Variants in MAPRE2 observed in about 807,000 individuals in gnomAD.
MAPRE2 encodes microtubule-associated protein RP/EB family member 2.
In MAPRE2, 13 loss-of-function variants were observed where a neutral mutation model predicts 43.2. The observed-to-expected ratio is 0.30, with a 90% CI of 0.20 to 0.48. MAPRE2 has a LOEUF of 0.48. Among genes scored for constraint, MAPRE2 ranks in the 20% least tolerant of loss-of-function variants. MAPRE2 has a pLI of 0.99. For missense variants in MAPRE2, 161 were observed against 400.2 expected (o/e 0.40, Z 5.10); for synonymous variants, 135 against 148.8 (o/e 0.91, Z 0.68).
chr18:35,099,199 TGTTA>T (rs1288122927), intron 3 of MAPRE2, among the ~76,000 whole-genome samples: 1 of 152,232 alleles, frequency 6.6e-6, no homozygotes, highest in Non-Finnish European at 1.5e-5. Context: ...TATAGTAGTT[TGTTA>T]GTTAAAAGCT....
chr18:35,109,410 T>A (rs1909068327), intron 4 of MAPRE2, among the ~76,000 whole-genome samples: 1 of 152,238 alleles, frequency 6.6e-6, no homozygotes, highest in Non-Finnish European at 1.5e-5. Flanking sequence ...AGCATTGTTC[T>A]TTTTGCCTAG....
chr18:35,007,221 A>G (rs1159593893), intron 2 of MAPRE2, among the ~76,000 whole-genome samples: 2 of 152,166 alleles, frequency 1.3e-5, no homozygotes, highest in African/African-American at 4.8e-5. Context: ...TCGGGTCTGT[A>G]TGAGGCAATC....
At chr18:35,098,636 C>T (rs1908534234) in intron 3 of MAPRE2, among the ~76,000 whole-genome samples, 1 of 152,154 alleles carries the variant, frequency 6.6e-6, no homozygotes, top group Admixed American at 6.5e-5. Flanking sequence ...TTCCAATTAG[C>T]TCTTTCCATA....
At chr18:35,120,514 G>A (rs2068151) in intron 4 of MAPRE2, among the ~76,000 whole-genome samples, 20,545 of 152,226 alleles carry the variant, frequency 0.13, 1,585 homozygotes, top group South Asian at 0.25. Flanking sequence ...GCAGATTACA[G>A]AATCTACAAA....
chr18:35,069,179 C>CT (rs1017773518), intron 1 of MAPRE2, among the ~76,000 whole-genome samples: 3 of 151,112 alleles, frequency 2.0e-5, no homozygotes, highest in Non-Finnish European at 3.0e-5. Context: ...TCAACAACAA[C>CT]TTTTTTTTTA....
chr18:34,989,971 C>T (rs919407235), intron 1 of MAPRE2, among the ~76,000 whole-genome samples: 3 of 152,152 alleles, frequency 2.0e-5, no homozygotes, highest in Non-Finnish European at 2.9e-5. Flanking sequence ...ATTTGGTTTG[C>T]TTTTCATCCC....
At chr18:34,995,919 T>C (rs915724491) in intron 1 of MAPRE2, among the ~76,000 whole-genome samples, 1 of 152,060 alleles carries the variant, frequency 6.6e-6, no homozygotes, top group Non-Finnish European at 1.5e-5. Flanking sequence ...ACCTAGAAGA[T>C]TTTAGAAAGG....
At chr18:35,108,436 G>T (rs1174374758) in intron 4 of MAPRE2, among the ~76,000 whole-genome samples, 1 of 152,112 alleles carries the variant, frequency 6.6e-6, no homozygotes, top group Admixed American at 6.6e-5. Context: ...AAACATATGT[G>T]TGCATGTGTC....
rs368674644 is a variant in MAPRE2 at position 35,020,113 on chromosome 18, G to T, written c.-8+14560G>T. On this transcript the variant is annotated intron_variant, in intron 2 of 7. Coordinates refer to the MAPRE2 transcript ENST00000413393. ...CTTAAAATGTGTGCATGATGTGTTT[G>T]TCTCTGTTCTAAAATTAGCTGTGCT... 3.9e-5 allele frequency among the ~76,000 whole-genome samples: 6 copies of T among 152,206 alleles called. No individual in the cohort carries two copies. The East Asian group carries it at 5.8e-4, about 15-fold the overall frequency.
At chr18:35,044,577 C>T (rs548964772) in intron 1 of MAPRE2, among the ~76,000 whole-genome samples, 25 of 152,328 alleles carry the variant, frequency 1.6e-4, no homozygotes, top group Non-Finnish European at 2.9e-4. Context: ...AAATATCTAG[C>T]CCCCGTTGTT....
At chr18:34,985,284 T>TATATTATATATTATATA (rs2097019235) in intron 1 of MAPRE2, among the ~76,000 whole-genome samples, 1 of 32,492 alleles carries the variant, frequency 3.1e-5, no homozygotes, top group Non-Finnish European at 4.8e-5. Flanking sequence ...TATAATATAT[T>TATATTATATATTATATA]ATATATTATA....
intron 1 of MAPRE2, among the ~76,000 whole-genome samples, chr18:35,045,474 T>C (rs1478558998): frequency 2.0e-5 from 3 of 151,884 alleles, no homozygotes; most frequent in African/African-American, 7.3e-5. Context: ...CCCCAGGAAA[T>C]GGATTGCAGA....
intron 2 of MAPRE2, among the ~76,000 whole-genome samples, chr18:35,027,210 C>T (rs1238492336): frequency 2.0e-5 from 3 of 152,202 alleles, no homozygotes; most frequent in African/African-American, 7.2e-5. Context: ...TGACATTCCT[C>T]CTAGTTATGT....
In MAPRE2 at chr18:35,023,810, A is replaced by G. The variant is rs567643209; in HGVS notation, c.-8+18257A>G. 9.2e-5 allele frequency among the ~76,000 whole-genome samples: 14 copies of G among 152,214 alleles called. No individual in the cohort carries two copies. The East Asian group carries it at 2.5e-3, about 27-fold the overall frequency. On this transcript the variant is annotated intron_variant, in intron 2 of 7. Transcript: ENST00000413393. ...AATTGAAACTGAAGCCACTGACTAA[A>G]TGATGCCCAGGATAATTCTTAATTT... is the stretch of plus-strand genomic sequence containing the variant.
chr18:35,075,956 G>A (rs909571083), intron 2 of MAPRE2, among the ~76,000 whole-genome samples: 4 of 152,104 alleles, frequency 2.6e-5, no homozygotes, highest in South Asian at 2.1e-4. Context: ...CTTTGCTCCC[G>A]AAGATGAACG....
At chr18:35,113,910 A>G (rs1258821151) in intron 4 of MAPRE2, among the ~76,000 whole-genome samples, 1 of 152,194 alleles carries the variant, frequency 6.6e-6, no homozygotes, top group Non-Finnish European at 1.5e-5. Flanking sequence ...AAAATATAGA[A>G]GGAGTCATCA....
At chr18:35,044,725 G>A (rs775136643) in intron 1 of MAPRE2, among the ~76,000 whole-genome samples, 1 of 152,186 alleles carries the variant, frequency 6.6e-6, no homozygotes, top group African/African-American at 2.4e-5. Context: ...CACCTTGCTG[G>A]CAGCACAGGT....
chr18:35,011,552 G>A (rs759774602), intron 2 of MAPRE2, among the ~76,000 whole-genome samples: 7 of 152,284 alleles, frequency 4.6e-5, no homozygotes, highest in East Asian at 1.9e-4. Flanking sequence ...TCCTTTAAGC[G>A]TAGAGGTAAA....
At chr18:34,987,331 T>TA (rs1475657205) in intron 1 of MAPRE2, among the ~76,000 whole-genome samples, 12 of 152,178 alleles carry the variant, frequency 7.9e-5, no homozygotes, top group African/African-American at 2.9e-4. Context: ...CAGCATCACC[T>TA]AGGAGTGTCT....
Sources: gnomAD v4.1 joint callset for allele counts (sites outside exome capture counted in the v4.1 genomes callset) on GRCh38, gnomAD v4.1.1 for gene constraint, MANE v1.5 for transcripts, NCBI Gene and HGNC (gene_info 2026-07-23, HGNC 2026-07-21) for gene names.